Variants in PACRG observed in about 807,000 individuals in gnomAD.
PACRG encodes the protein parkin coregulated gene protein.
Under a neutral mutation model 29.7 loss-of-function variants are expected in PACRG, and 29 were observed. That is an observed-to-expected ratio of 0.98 (90% CI 0.73 to 1.33). The LOEUF (loss-of-function observed/expected upper bound fraction) is 1.33, where lower values mean the gene tolerates loss of function less well. Ranked by LOEUF, PACRG falls within the 40% of genes most tolerant of loss-of-function variation. The pLI is 0.00. For missense variants in PACRG, 279 were observed against 316.2 expected (o/e 0.88, Z 0.89); for synonymous variants, 116 against 118.7 (o/e 0.98, Z 0.15).
intron 4 of PACRG, among the ~76,000 whole-genome samples, chr6:163,121,554 G>C (rs1164075158): frequency 6.6e-6 from 1 of 151,392 alleles, no homozygotes; most frequent in African/African-American, 2.4e-5. Flanking sequence ...AATACACCTA[G>C]TATGTGAATT....
In PACRG at chr6:163,269,955, G is replaced by GA. The variant is rs1365678134; in HGVS notation, c.614-44869dup. 1.8e-4 allele frequency among the ~76,000 whole-genome samples: 9 copies of GA among 49,282 alleles called. 1 individual carries two copies. The highest frequency in any genetic ancestry group is 9.6e-4 in the African/African-American group (8 of 8,322). 32.3% of individuals were successfully genotyped at this position (49,282 alleles called of 152,430 possible). ...ACAAAGAAAGAAAGAAAGAAAGAAA[G>GA]AAAGAAAGAAAGAAAGAAAGAAAGA... On this transcript the variant is annotated intron_variant, in intron 4 of 4. Coordinates refer to ENST00000366888, the MANE Select transcript of PACRG (RefSeq NM_001080379.2).
chr6:163,086,392 G>A (rs1359569808), intron 3 of PACRG, among the ~76,000 whole-genome samples: 5 of 152,122 alleles, frequency 3.3e-5, no homozygotes, highest in Non-Finnish European at 7.3e-5. Flanking sequence ...TCTAATTTTA[G>A]TTGTTTTTCA....
In PACRG at chr6:162,777,259, G is replaced by C. The variant is rs985652204; in HGVS notation, c.157-36888G>C. On this transcript the variant is annotated intron_variant, in intron 1 of 4. Transcript: ENST00000366888. This position sits in a 1 kb window ranked among gnomAD's most constrained non-coding sequence, Gnocchi z 4.0. ...GTGTGACGTTGTTTTTCTCCACTTC[G>C]GGACATGCAGTTGGCCATGTGCTCA... is the stretch of plus-strand genomic sequence containing the variant. 6.6e-6 allele frequency among the ~76,000 whole-genome samples: 1 copy of C among 152,108 alleles called. No individual in the cohort carries two copies. The highest frequency in any genetic ancestry group is 1.5e-5 in the Non-Finnish European group (1 of 68,026).
rs141804390 is a variant in PACRG, at chr6:163,065,336, G to T, written c.463+3015G>T. On this transcript the variant is annotated intron_variant, in intron 3 of 4. Coordinates refer to ENST00000366888, the MANE Select transcript of PACRG (RefSeq NM_001080379.2). ...AGCAGCCCTCTTACTTGTCTGGATC[G>T]GGGATTACAGATTCACATTTACTCC... 2.1e-3 allele frequency among the ~76,000 whole-genome samples: 317 copies of T among 152,210 alleles called. 2 individuals carry two copies. The highest frequency in any genetic ancestry group is 7.4e-3 in the African/African-American group (306 of 41,538).
At chr6:162,971,413 A>C (rs1172653940) in intron 2 of PACRG, among the ~76,000 whole-genome samples, 2 of 152,188 alleles carry the variant, frequency 1.3e-5, no homozygotes, top group Non-Finnish European at 2.9e-5. Flanking sequence ...CCACAGCGGC[A>C]TTATGAAGAT....
At chr6:162,938,153 G>A (rs545751472) in intron 2 of PACRG, among the ~76,000 whole-genome samples, 3 of 152,100 alleles carry the variant, frequency 2.0e-5, no homozygotes, top group African/African-American at 7.2e-5. Context: ...CACAATGTTT[G>A]GTTTTCCATT....
At chr6:162,814,081 TC>T in intron 1 of PACRG, 65 bp from the exon 2 acceptor site, 1 of 1,474,650 alleles carries the variant, frequency 6.8e-7, no homozygotes. Flanking sequence ...AACAGAAAGT[TC>T]TTTTATTATG....
intron 4 of PACRG, among the ~76,000 whole-genome samples, chr6:163,096,580 C>T (rs959675054): frequency 4.6e-5 from 7 of 152,322 alleles, no homozygotes; most frequent in South Asian, 2.1e-4. Flanking sequence ...AACTCCGTGC[C>T]TTAGTCTCCA....
intron 4 of PACRG, among the ~76,000 whole-genome samples, chr6:163,296,216 A>G (rs994357920): frequency 7.2e-5 from 11 of 152,220 alleles, no homozygotes; most frequent in Non-Finnish European, 1.5e-4. Context: ...AAGGGAGTCC[A>G]TTGTGTTCCT....
At chr6:162,995,488 G>A (rs1803930019) in intron 2 of PACRG, among the ~76,000 whole-genome samples, 1 of 152,164 alleles carries the variant, frequency 6.6e-6, no homozygotes, top group Admixed American at 6.5e-5. Context: ...TATTCGGGTG[G>A]GAGTGACCCG....
chr6:163,233,877 A>G (rs193243432), intron 4 of PACRG, among the ~76,000 whole-genome samples: 16 of 152,342 alleles, frequency 1.1e-4, no homozygotes, highest in Admixed American at 1.0e-3. Flanking sequence ...TGTAAGTTGC[A>G]CTGTCCTTCA....
At chr6:163,068,102 G>A (rs766375633) in intron 3 of PACRG, among the ~76,000 whole-genome samples, 5 of 152,116 alleles carry the variant, frequency 3.3e-5, no homozygotes, top group Non-Finnish European at 7.4e-5. Context: ...ACCACATATT[G>A]TCTTGGCCTG....
intron 2 of PACRG, among the ~76,000 whole-genome samples, chr6:162,846,388 A>C (rs1299276666): frequency 6.6e-6 from 1 of 152,150 alleles, no homozygotes; most frequent in Non-Finnish European, 1.5e-5. Context: ...TCTTTAGTGC[A>C]CCTATGCACC....
At chr6:163,239,623 C>T (rs1020929355) in intron 4 of PACRG, among the ~76,000 whole-genome samples, 1 of 151,622 alleles carries the variant, frequency 6.6e-6, no homozygotes, top group African/African-American at 2.4e-5. Flanking sequence ...CTGTTCATTG[C>T]CCCTCCTGCT....
At chr6:163,023,623 CTGCTT>C (rs1403318357) in intron 2 of PACRG, among the ~76,000 whole-genome samples, 3 of 152,180 alleles carry the variant, frequency 2.0e-5, no homozygotes, top group African/African-American at 7.2e-5. Context: ...AATGATCGCT[CTGCTT>C]TAAGTTCTTT....
chr6:162,828,230 T>G (rs566084379), intron 2 of PACRG, among the ~76,000 whole-genome samples: 4 of 152,330 alleles, frequency 2.6e-5, no homozygotes, highest in Non-Finnish European at 5.9e-5. Flanking sequence ...GTAGCTCTAT[T>G]TATTTTTGTT....
intron 4 of PACRG, among the ~76,000 whole-genome samples, chr6:163,270,237 G>A (rs1783773374): frequency 6.6e-6 from 1 of 152,140 alleles, no homozygotes; most frequent in Admixed American, 6.5e-5. Context: ...TCATCTCATA[G>A]GAGGTCTAGG....
At chr6:163,146,234 A>G (rs1338300479) in intron 4 of PACRG, among the ~76,000 whole-genome samples, 3 of 152,092 alleles carry the variant, frequency 2.0e-5, no homozygotes, top group Non-Finnish European at 2.9e-5. Context: ...CTGGAATCCC[A>G]AGACTTGGCT....
At chr6:163,263,220 C>T (rs1457632619) in intron 4 of PACRG, among the ~76,000 whole-genome samples, 1 of 147,026 alleles carries the variant, frequency 6.8e-6, no homozygotes, top group Non-Finnish European at 1.5e-5. Flanking sequence ...GGGCTGAGAA[C>T]CCTTCCCTTC....
Sources: gnomAD v4.1 joint callset for allele counts (sites outside exome capture counted in the v4.1 genomes callset) on GRCh38, gnomAD v4.1.1 for gene constraint, Gnocchi (gnomAD v3.1) non-coding constraint, MANE v1.5 for transcripts, NCBI Gene and HGNC (gene_info 2026-07-23, HGNC 2026-07-21) for gene names.